RETREG1: variants seen among roughly 807,000 people sequenced by gnomAD.
The protein encoded by RETREG1 is family with sequence similarity 134 member B.
In RETREG1, 44 loss-of-function variants were observed where a neutral mutation model predicts 54.8. That is an observed-to-expected ratio of 0.80 (90% CI 0.63 to 1.03). The LOEUF (loss-of-function observed/expected upper bound fraction) is 1.03, where lower values mean the gene tolerates loss of function less well. Ranked by LOEUF, RETREG1 falls within the 50% of genes least tolerant of loss-of-function variation. RETREG1 has a pLI of 0.00. For missense variants in RETREG1, 554 were observed against 605.1 expected (o/e 0.92, Z 0.89); for synonymous variants, 217 against 238.5 (o/e 0.91, Z 0.83).
At chr5:16,535,232 T>C (rs13180554) in intron 3 of RETREG1, among the ~76,000 whole-genome samples, 54,962 of 152,204 alleles carry the variant, frequency 0.36, 11,640 homozygotes, top group Non-Finnish European at 0.47. Flanking sequence ...GGCTGTTCAG[T>C]TGGGGTCAAT....
Position 16,478,911 on chromosome 5 carries a change from A to C in RETREG1, c.747T>G (p.Val249=), listed in dbSNP as rs752223454. ...GQKIYSKIKS[V]LLKLDFGIGE... ...CAATTCCAAAATCCAGTTTCAGCAG[A>C]ACTGACTTAATTTTGCTGTAAATTT... Residue 249 remains valine (V), a synonymous_variant, in exon 6 of 9, where the codon GTT becomes GTG. Transcript: ENST00000306320. 1.9e-6 allele frequency: 3 copies of C among 1,612,378 alleles called. No individual in the cohort carries two copies. The highest frequency in any genetic ancestry group is 3.3e-5 in the Admixed American group (2 of 59,894).
At chr5:16,534,920 T>G (rs1741012956) in intron 3 of RETREG1, among the ~76,000 whole-genome samples, 2 of 152,194 alleles carry the variant, frequency 1.3e-5, no homozygotes. Context: ...ATTTATTAAG[T>G]GCCAGGCACA....
chr5:16,580,085 T>C (rs1405826116), intron 1 of RETREG1, among the ~76,000 whole-genome samples: 3 of 152,228 alleles, frequency 2.0e-5, no homozygotes, highest in Admixed American at 6.5e-5. Context: ...ATATGTCCTA[T>C]GCAGTTTGTT....
At chr5:16,586,274 C>A (rs1013135061) in intron 1 of RETREG1, among the ~76,000 whole-genome samples, 1 of 152,154 alleles carries the variant, frequency 6.6e-6, no homozygotes, top group Non-Finnish European at 1.5e-5. Flanking sequence ...ATGCAAATGG[C>A]ATCTTTGTGT....
chr5:16,545,172 A>G (rs528662034), intron 3 of RETREG1, among the ~76,000 whole-genome samples: 161 of 152,252 alleles, frequency 1.1e-3, no homozygotes, highest in Non-Finnish European at 1.7e-3. Flanking sequence ...TTCCCCTACA[A>G]GCTCTTCCAG....
At chr5:16,560,618 C>T (rs947301438) in intron 3 of RETREG1, among the ~76,000 whole-genome samples, 29 of 152,134 alleles carry the variant, frequency 1.9e-4, no homozygotes, top group African/African-American at 7.0e-4. Context: ...CTAGCTCCTG[C>T]CATGTGAGGG....
chr5:16,549,153 C>T (rs192749293), intron 3 of RETREG1, among the ~76,000 whole-genome samples: 66 of 152,312 alleles, frequency 4.3e-4, no homozygotes, highest in African/African-American at 1.6e-3. Context: ...AATTTAGCTA[C>T]CTTTCTGATA....
chr5:16,510,558 G>A (rs2126566814), intron 3 of RETREG1, among the ~76,000 whole-genome samples: 1 of 152,152 alleles, frequency 6.6e-6, no homozygotes, highest in East Asian at 1.9e-4. Context: ...GGGAGGCCGA[G>A]GCAGGCAGAT....
At chr5:16,611,632 C>T (rs540832954) in intron 1 of RETREG1, among the ~76,000 whole-genome samples, 71 of 152,286 alleles carry the variant, frequency 4.7e-4, no homozygotes, top group African/African-American at 1.6e-3. Context: ...TAGCTTTATT[C>T]ATAATAGTCA....
In RETREG1 at chr5:16,565,760, T is replaced by C. The variant is rs1353801192; in HGVS notation, c.458+3A>G. 1.9e-5 allele frequency: 31 copies of C among 1,613,838 alleles called. No homozygotes were observed. The highest frequency in any genetic ancestry group is 2.5e-5 in the Non-Finnish European group (30 of 1,179,900). ...AGCACAACACGGAAAGAAAGTTCCC[T>C]ACCTTTCACTGAGGCTTCTCCACAA... On this transcript the variant is annotated splice_donor_region_variant and intron_variant, in intron 3 of 8. Coordinates refer to ENST00000306320, the MANE Select transcript of RETREG1 (RefSeq NM_001034850.3).
At chr5:16,549,736 A>G (rs1741480953) in intron 3 of RETREG1, among the ~76,000 whole-genome samples, 1 of 152,240 alleles carries the variant, frequency 6.6e-6, no homozygotes, top group African/African-American at 2.4e-5. Flanking sequence ...GAGGATGTTC[A>G]GCTTAATAAG....
chr5:16,577,592 C>T (rs73051609), intron 1 of RETREG1, among the ~76,000 whole-genome samples: 2,907 of 152,112 alleles, frequency 0.019, 92 homozygotes, highest in African/African-American at 0.067. Flanking sequence ...CTTTATTTTA[C>T]CGGTTTTTTC....
intron 1 of RETREG1, among the ~76,000 whole-genome samples, chr5:16,578,016 C>A (rs1212002462): frequency 6.6e-6 from 1 of 152,108 alleles, no homozygotes; most frequent in Admixed American, 6.5e-5. Context: ...TTTCTTATTC[C>A]TTTTTTTCCT....
rs1317247109 is a variant in RETREG1, at chr5:16,597,901, C to T, written c.320+18751G>A. On this transcript the variant is annotated intron_variant, in intron 1 of 8. Transcript: ENST00000306320. The surrounding 1 kb of genome is among the most constrained non-coding windows in gnomAD (Gnocchi z 4.3). ...CCTTTCCAGCCTCACCTCCTGTGACCGCTGGCACGACTTCCTTGCCCCAGG... is the reference window on the plus strand; with the variant it reads ...CCTTTCCAGCCTCACCTCCTGTGACTGCTGGCACGACTTCCTTGCCCCAGG... Among the ~76,000 whole-genome samples the T allele has an allele frequency of 2.0e-5, 3 of 152,068 alleles. No homozygotes were observed. The highest frequency in any genetic ancestry group is 4.4e-5 in the Non-Finnish European group (3 of 68,000).
At chr5:16,528,775 G>A (rs114839564) in intron 3 of RETREG1, among the ~76,000 whole-genome samples, 1,616 of 152,228 alleles carry the variant, frequency 0.011, 27 homozygotes, top group African/African-American at 0.035. Context: ...ATGGAGAAAC[G>A]TTTCTATAAA....
chr5:16,511,872 C>G (rs942926776), intron 3 of RETREG1, among the ~76,000 whole-genome samples: 1 of 152,020 alleles, frequency 6.6e-6, no homozygotes, highest in Non-Finnish European at 1.5e-5. Flanking sequence ...TGGTGGTAAC[C>G]ATTCATGAGA....
At chr5:16,500,379 G>C (rs1388251861) in intron 3 of RETREG1, among the ~76,000 whole-genome samples, 1 of 152,146 alleles carries the variant, frequency 6.6e-6, no homozygotes, top group East Asian at 1.9e-4. Flanking sequence ...GGTACAAGGA[G>C]AGCAAAGAGA....
rs1356782994 is a variant in RETREG1, at chr5:16,594,682, A to C, written c.320+21970T>G. On this transcript the variant is annotated intron_variant, in intron 1 of 8. Coordinates refer to ENST00000306320, the MANE Select transcript of RETREG1 (RefSeq NM_001034850.3). This position sits in a 1 kb window ranked among gnomAD's most constrained non-coding sequence, Gnocchi z 4.4. ...GGAGACTGCAGTAAGCCAAGATTGC[A>C]CCACTGCACTCCAGCCTGGGCAACA... Among the ~76,000 whole-genome samples the C allele has an allele frequency of 6.6e-6, 1 of 152,148 alleles. No individual in the cohort carries two copies. The highest frequency in any genetic ancestry group is 6.5e-5 in the Admixed American group (1 of 15,268).
chr5:16,516,891 A>G (rs73044218), intron 3 of RETREG1, among the ~76,000 whole-genome samples: 168 of 152,270 alleles, frequency 1.1e-3, no homozygotes, highest in African/African-American at 3.9e-3. Context: ...GCCTGAGCCC[A>G]TGAGTTCAAG....
Sources: allele counts gnomAD v4.1 joint callset (sites outside exome capture counted in the v4.1 genomes callset), GRCh38; gene constraint gnomAD v4.1.1; non-coding constraint Gnocchi (gnomAD v3.1); transcripts MANE v1.5; gene names NCBI Gene and HGNC (gene_info 2026-07-23, HGNC 2026-07-21).